UBAC2: variants seen among roughly 807,000 people sequenced by gnomAD.
The protein encoded by UBAC2 is ubiquitin-associated domain-containing protein 2.
UBAC2 carries 26 observed loss-of-function variants against 44.0 expected under a neutral mutation model. The observed-to-expected ratio is 0.59, with a 90% confidence interval of 0.43 to 0.82. The LOEUF is 0.82. Among genes scored for constraint, UBAC2 ranks in the 40% least tolerant of loss-of-function variants. The pLI is 0.00. For missense variants in UBAC2, 329 were observed against 419.4 expected (o/e 0.78, Z 1.88); for synonymous variants, 155 against 154.3 (o/e 1.00, Z -0.04).
At chr13:99,302,751 C>T (rs2044275045) in intron 4 of UBAC2, among the ~76,000 whole-genome samples, 3 of 152,160 alleles carry the variant, frequency 2.0e-5, no homozygotes, top group Admixed American at 1.3e-4. Flanking sequence ...ATAGTCAGAG[C>T]CTCCTGGTGC....
chr13:99,335,591 G>A (rs570205873), intron 6 of UBAC2, among the ~76,000 whole-genome samples: 11 of 152,140 alleles, frequency 7.2e-5, no homozygotes, highest in East Asian at 3.8e-4. Flanking sequence ...GAAGATGAGC[G>A]CAACATGTGA....
chr13:99,366,575 A>G (rs1489219419), intron 7 of UBAC2, among the ~76,000 whole-genome samples: 1 of 152,164 alleles, frequency 6.6e-6, no homozygotes, highest in East Asian at 1.9e-4. Flanking sequence ...CTTAATTCTC[A>G]GGCAGGACCA....
Position 99,205,449 on chromosome 13 carries a change from A to G in UBAC2, c.31+4510A>G, listed in dbSNP as rs114047048. Reference sequence around the variant, plus strand: ...TCCTGTCCCAGCTGCAAAAAAATCAATCACGGTGTTTTCTGAATGTACACC... The same window carrying G: ...TCCTGTCCCAGCTGCAAAAAAATCAGTCACGGTGTTTTCTGAATGTACACC... On this transcript the variant is annotated intron_variant, in intron 1 of 8. Transcript: ENST00000403766. Among the ~76,000 whole-genome samples, 474 of 152,334 alleles carry G rather than the reference A, an allele frequency of 3.1e-3. 4 individuals are homozygous for G. The highest frequency in any genetic ancestry group is 0.011 in the African/African-American group (444 of 41,576).
intron 1 of UBAC2, among the ~76,000 whole-genome samples, chr13:99,222,343 A>C (rs2043060277): frequency 6.6e-6 from 1 of 152,224 alleles, no homozygotes; most frequent in Admixed American, 6.5e-5. Flanking sequence ...ACGTGGGAAG[A>C]ACATTTTGGG....
intron 7 of UBAC2, among the ~76,000 whole-genome samples, chr13:99,353,415 C>A (rs2045126377): frequency 1.3e-5 from 2 of 152,192 alleles, no homozygotes; most frequent in South Asian, 4.1e-4. Context: ...TTTTCCAAGA[C>A]TGACTCATTA....
At chr13:99,211,772 C>T (rs1391586197) in intron 1 of UBAC2, among the ~76,000 whole-genome samples, 1 of 152,198 alleles carries the variant, frequency 6.6e-6, no homozygotes, top group Non-Finnish European at 1.5e-5. Flanking sequence ...GTGTGTCTCC[C>T]AACCACTGGG....
chr13:99,327,794 C>T (rs1304547477), intron 6 of UBAC2, among the ~76,000 whole-genome samples: 1 of 152,126 alleles, frequency 6.6e-6, no homozygotes. Flanking sequence ...TATTTGAGAT[C>T]TTTCTAGATC....
chr13:99,243,444 G>A (rs565124330), intron 2 of UBAC2, among the ~76,000 whole-genome samples: 1 of 152,078 alleles, frequency 6.6e-6, no homozygotes, highest in South Asian at 2.1e-4. Flanking sequence ...TACCTAAGTT[G>A]TTTTTCAGTT....
chr13:99,305,927 G>A (rs149690394), intron 4 of UBAC2, among the ~76,000 whole-genome samples: 131 of 152,130 alleles, frequency 8.6e-4, no homozygotes, highest in African/African-American at 2.9e-3. Context: ...ACAGAGTCTC[G>A]CATGGTCGCC....
chr13:99,357,268 G>A (rs56222963), intron 7 of UBAC2, among the ~76,000 whole-genome samples: 12,846 of 152,214 alleles, frequency 0.084, 616 homozygotes, highest in East Asian at 0.13. Context: ...CTAGGTTTCT[G>A]TAAGTACACA....
chr13:99,348,239 A>G (rs536526805), intron 7 of UBAC2, among the ~76,000 whole-genome samples: 3 of 152,356 alleles, frequency 2.0e-5, no homozygotes, highest in South Asian at 4.1e-4. Context: ...GGATTAAATA[A>G]GACGCCGCCT....
intron 4 of UBAC2, among the ~76,000 whole-genome samples, chr13:99,283,836 G>A (rs2043985111): frequency 7.2e-6 from 1 of 138,784 alleles, no homozygotes; most frequent in Non-Finnish European, 1.5e-5. Context: ...CCGGGTTCAA[G>A]CTATTCTCCT....
chr13:99,217,579 C>T (rs928388369), intron 1 of UBAC2, among the ~76,000 whole-genome samples: 2 of 152,150 alleles, frequency 1.3e-5, no homozygotes, highest in Non-Finnish European at 2.9e-5. Flanking sequence ...AGGGAGGCAC[C>T]CCGGCTTGGG....
intron 1 of UBAC2, chr13:99,201,292 G>A: frequency 6.9e-7 from 1 of 1,458,000 alleles, no homozygotes; most frequent in East Asian, 2.5e-5. Context: ...GCTGAAGGAA[G>A]GGGCCGTCCC....
intron 4 of UBAC2, among the ~76,000 whole-genome samples, chr13:99,302,151 ACAGC>A (rs952721347): frequency 5.9e-5 from 9 of 152,180 alleles, no homozygotes; most frequent in African/African-American, 2.2e-4. Flanking sequence ...ACTTTCAAAA[ACAGC>A]CAGGGGAGCC....
At position 99,319,984 on chromosome 13, in the gene UBAC2, G is replaced by A. The variant is rs894471998; in HGVS notation, c.561+1915G>A. On this transcript the variant is annotated intron_variant, in intron 6 of 8. Coordinates refer to ENST00000403766, the MANE Select transcript of UBAC2 (RefSeq NM_001144072.2). ...GTTCTGTTTTAAATATTTTCCAAAA[G>A]CATTCAAATATTGAAGTACCTTATT... Among the ~76,000 whole-genome samples, 8 of 152,296 alleles carry A rather than the reference G, an allele frequency of 5.3e-5. 1 individual carries two copies. Among genetic ancestry groups the A allele is most frequent in the East Asian group, 3.9e-4 (2 of 5,188 alleles).
chr13:99,293,727 G>A (rs1009707243), intron 4 of UBAC2, among the ~76,000 whole-genome samples: 5 of 152,088 alleles, frequency 3.3e-5, no homozygotes, highest in African/African-American at 1.2e-4. Flanking sequence ...ACTAGTAAAT[G>A]GTGTTGAATC....
intron 4 of UBAC2, among the ~76,000 whole-genome samples, chr13:99,275,099 A>T (rs983006474): frequency 2.6e-5 from 4 of 152,346 alleles, no homozygotes; most frequent in Non-Finnish European, 4.4e-5. Flanking sequence ...AAGCAGAATC[A>T]TAGTGTATAC....
At chr13:99,304,505 A>G (rs1365886302) in intron 4 of UBAC2, among the ~76,000 whole-genome samples, 3 of 152,200 alleles carry the variant, frequency 2.0e-5, no homozygotes, top group Non-Finnish European at 4.4e-5. Context: ...TAGGTGATGT[A>G]TGATCGATAT....
Sources: gnomAD v4.1 joint callset for allele counts (sites outside exome capture counted in the v4.1 genomes callset) on GRCh38, gnomAD v4.1.1 for gene constraint, MANE v1.5 for transcripts, NCBI Gene and HGNC (gene_info 2026-07-23, HGNC 2026-07-21) for gene names.